OTUD7B: variants seen among roughly 807,000 people sequenced by gnomAD.
The protein encoded by OTUD7B is OTU domain-containing protein 7B.
A neutral mutation model predicts 82.2 loss-of-function variants in OTUD7B; 34 were observed. The ratio of observed to expected loss-of-function variants is 0.41; its 90% CI spans 0.31 to 0.55. OTUD7B has a LOEUF of 0.55. Ranked by LOEUF, OTUD7B falls within the 20% of genes least tolerant of loss-of-function variation. The pLI, the probability that OTUD7B is intolerant of heterozygous loss-of-function variation, is 0.20. For synonymous variants in OTUD7B, 398 were observed against 402.7 expected (o/e 0.99, Z 0.14); for missense variants, 944 against 1,062.1 (o/e 0.89, Z 1.55).
upstream of OTUD7B, among the ~76,000 whole-genome samples, chr1:150,015,290 C>CTTTTTTTTTTTTTTTTTT (rs60374988): frequency 1.1e-4 from 14 of 128,972 alleles, no homozygotes; most frequent in Non-Finnish European, 1.2e-4. Flanking sequence ...TTTTCTTTCT[C>CTTTTTTTTTTTTTTTTTT]TTTTTTTTTT....
chr1:150,006,444 G>A (rs1423620698), intron 1 of OTUD7B, among the ~76,000 whole-genome samples: 3 of 152,112 alleles, frequency 2.0e-5, no homozygotes, highest in Non-Finnish European at 4.4e-5. Flanking sequence ...GAGCAAAGTT[G>A]TCATTTTTCC....
chr1:150,016,454 T>G, the OTUD7B span, among the ~76,000 whole-genome samples: 6 of 130,962 alleles, frequency 4.6e-5, no homozygotes, highest in Non-Finnish European at 7.2e-5. Flanking sequence ...TTCTTTTTCT[T>G]TTTTTTTTTT....
At chr1:149,964,979 T>C (rs1034048766) in intron 5 of OTUD7B, among the ~76,000 whole-genome samples, 2 of 150,938 alleles carry the variant, frequency 1.3e-5, no homozygotes, top group African/African-American at 2.4e-5. Flanking sequence ...CTGCAACCTC[T>C]GGCCCCCGGA....
intron 4 of OTUD7B, among the ~76,000 whole-genome samples, chr1:149,966,829 T>C (rs587613221): frequency 6.6e-6 from 1 of 152,350 alleles, no homozygotes; most frequent in Non-Finnish European, 1.5e-5. Flanking sequence ...CACAAGCATT[T>C]TAATGCCTGA....
chr1:150,006,403 G>A (rs147801421), intron 1 of OTUD7B, among the ~76,000 whole-genome samples: 3 of 152,194 alleles, frequency 2.0e-5, no homozygotes, highest in Non-Finnish European at 2.9e-5. Flanking sequence ...CTTGCAGTAA[G>A]CTGAGATTGC....
the OTUD7B span, among the ~76,000 whole-genome samples, chr1:150,040,713 C>CTTT: frequency 5.1e-3 from 746 of 145,448 alleles, 17 homozygotes; most frequent in Middle Eastern, 0.032. Flanking sequence ...CTTTTCTTTC[C>CTTT]TTTTTTTTTT....
intron 7 of OTUD7B, among the ~76,000 whole-genome samples, chr1:149,952,804 A>T (rs1553773795): frequency 6.6e-6 from 1 of 152,204 alleles, no homozygotes; most frequent in Admixed American, 6.5e-5. Flanking sequence ...ATGGCCAGTG[A>T]TGATGAGCAT....
chr1:150,027,431 C>CA, the OTUD7B span, among the ~76,000 whole-genome samples: 5 of 151,840 alleles, frequency 3.3e-5, no homozygotes, highest in Non-Finnish European at 4.4e-5. Context: ...ACTAAAACTA[C>CA]AAAAAATTAG....
chr1:149,986,237 T>TCACACACACACACACA (rs34962941), intron 1 of OTUD7B, among the ~76,000 whole-genome samples: 1 of 136,544 alleles, frequency 7.3e-6, no homozygotes. Context: ...TGGTACCCCA[T>TCACACACACACACACA]CACACACACA....
chr1:150,026,733 A>AGAAAAGT, the OTUD7B span, among the ~76,000 whole-genome samples: 1 of 152,338 alleles, frequency 6.6e-6, no homozygotes, highest in African/African-American at 2.4e-5. Context: ...GTACGGAAAG[A>AGAAAAGT]GAAAAGTGAA....
At chr1:149,978,995 C>T (rs1361303145) in intron 1 of OTUD7B, among the ~76,000 whole-genome samples, 5 of 140,074 alleles carry the variant, frequency 3.6e-5, no homozygotes, top group East Asian at 2.1e-4. Flanking sequence ...CAGCAGGTCA[C>T]TAACTTGCTA....
chr1:150,020,602 T>G, the OTUD7B span, among the ~76,000 whole-genome samples: 1 of 152,164 alleles, frequency 6.6e-6, no homozygotes, highest in Non-Finnish European at 1.5e-5. Context: ...TTTGTACCCT[T>G]GCCCCAGACC....
upstream of OTUD7B, among the ~76,000 whole-genome samples, chr1:150,014,429 T>A (rs1571757906): frequency 7.0e-6 from 1 of 142,032 alleles, no homozygotes; most frequent in South Asian, 2.3e-4. Flanking sequence ...TGAGGGGAAG[T>A]TTCATAATGT....
At chr1:149,993,235 T>C (rs1651712973) in intron 1 of OTUD7B, among the ~76,000 whole-genome samples, 1 of 152,198 alleles carries the variant, frequency 6.6e-6, no homozygotes, top group East Asian at 1.9e-4. Context: ...GGAGGCAATA[T>C]TTCCTCTTCC....
intron 11 of OTUD7B, 62 bp from the exon 12 acceptor site, chr1:149,945,127 A>G: frequency 6.4e-7 from 1 of 1,554,298 alleles, no homozygotes; most frequent in Non-Finnish European, 8.7e-7. Context: ...GGAATCCCCC[A>G]GGGACCTCTA....
chr1:149,950,782 G>GT (rs1164770650), intron 7 of OTUD7B, among the ~76,000 whole-genome samples: 139,162 of 139,338 alleles, frequency 1, 69,493 homozygotes, highest in Middle Eastern at 1. Context: ...TCTCCCGTGT[G>GT]TTTTTTGTTT....
At chr1:149,995,492 TC>T (rs1348980749) in intron 1 of OTUD7B, among the ~76,000 whole-genome samples, 2 of 151,992 alleles carry the variant, frequency 1.3e-5, no homozygotes, top group Non-Finnish European at 2.9e-5. Flanking sequence ...GCCAGGGGAA[TC>T]GCTTGAACCT....
At chr1:149,954,722 G>A (rs1327767031) in intron 7 of OTUD7B, among the ~76,000 whole-genome samples, 4 of 151,950 alleles carry the variant, frequency 2.6e-5, no homozygotes. Flanking sequence ...AATTTCAGAG[G>A]TGCTATTGGT....
the OTUD7B span, among the ~76,000 whole-genome samples, chr1:150,049,870 A>G: frequency 2.0e-5 from 3 of 151,986 alleles, no homozygotes; most frequent in Non-Finnish European, 2.9e-5. Context: ...CACCGTGCCC[A>G]GCCCTATTTT....
Sources: allele counts gnomAD v4.1 joint callset (sites outside exome capture counted in the v4.1 genomes callset), GRCh38; gene constraint gnomAD v4.1.1; transcripts MANE v1.5; gene names NCBI Gene and HGNC (gene_info 2026-07-23, HGNC 2026-07-21).